The following ALDH1L1 variants were observed in gnomAD, a reference collection of about 807,000 sequenced individuals.
The protein encoded by ALDH1L1 is aldehyde dehydrogenase 1 family member L1.
In ALDH1L1, 68 loss-of-function variants were observed where a neutral mutation model predicts 101.1. The observed-to-expected ratio is 0.67, with a 90% CI of 0.55 to 0.82. The LOEUF is 0.82. ALDH1L1 is among the 40% of genes least tolerant of loss of function. The pLI is 0.00. For synonymous variants in ALDH1L1, 486 were observed against 470.8 expected, an observed-to-expected ratio of 1.03 and a Z score of -0.42; for missense variants, 1,087 against 1,172.7, an observed-to-expected ratio of 0.93 and a Z score of 1.07.
intron 1 of ALDH1L1, among the ~76,000 whole-genome samples, chr3:126,179,049 G>A (rs1326680496): frequency 6.6e-6 from 1 of 152,204 alleles, no homozygotes; most frequent in African/African-American, 2.4e-5. Flanking sequence ...TGGCAGGCAC[G>A]GGAGCCTTGG....
At chr3:126,192,129 A>T (rs1407088169) in intron 1 of ALDH1L1, among the ~76,000 whole-genome samples, 1 of 152,176 alleles carries the variant, frequency 6.6e-6, no homozygotes, top group Non-Finnish European at 1.5e-5. Flanking sequence ...CAAGTGTTAG[A>T]GTTTGGAACC....
intron 14 of ALDH1L1, among the ~76,000 whole-genome samples, chr3:126,126,518 G>T (rs938642276): frequency 6.6e-6 from 1 of 152,186 alleles, no homozygotes; most frequent in African/African-American, 2.4e-5. Flanking sequence ...CACAGGCGGT[G>T]GGCAGGACCC....
upstream of ALDH1L1, chr3:126,180,901 C>G (rs989308036): frequency 2.1e-5 from 34 of 1,598,660 alleles, no homozygotes; most frequent in Admixed American, 2.4e-4. Context: ...AGAGGAGACC[C>G]TCGCCAAGCC....
intron 19 of ALDH1L1, among the ~76,000 whole-genome samples, chr3:126,110,702 C>T (rs1333405287): frequency 6.6e-6 from 1 of 152,148 alleles, no homozygotes; most frequent in South Asian, 2.1e-4. Flanking sequence ...ACCCGGCACA[C>T]CCCTCTGCTC....
At chr3:126,112,957 G>C in intron 18 of ALDH1L1, 77 bp from the exon 19 acceptor site, 1 of 1,357,370 alleles carries the variant, frequency 7.4e-7, no homozygotes, top group South Asian at 1.2e-5. Flanking sequence ...GGGCCCAGCC[G>C]CCTCTTCTAA....
In ALDH1L1 at chr3:126,125,640, G is replaced by A. The variant is rs747137064; in HGVS notation, c.1776C>T (p.Asn592=). The A allele has an allele frequency of 6.3e-6, 10 of 1,597,972 alleles. No individual in the cohort carries two copies. The highest frequency in any genetic ancestry group is 1.1e-5 in the South Asian group (1 of 88,448). Residue 592 remains asparagine, a synonymous_variant, in exon 15 of 23, where the codon AAC becomes AAT. Coordinates refer to ENST00000393434, the MANE Select transcript of ALDH1L1 (RefSeq NM_012190.4). The part of the protein sequence containing the change: ...WKTAACLAAG[N]TVVIKPAQVT... ...CCTGAGCAGGCTTGATCACCACTGT[G>A]TTCCCGGCAGCCAGGCAGGCAGCTG... is the stretch of plus-strand genomic sequence containing the variant.
At chr3:126,115,668 G>A (rs2079949455) in intron 17 of ALDH1L1, among the ~76,000 whole-genome samples, 3 of 151,916 alleles carry the variant, frequency 2.0e-5, no homozygotes, top group Non-Finnish European at 2.9e-5. Flanking sequence ...TCCACCTCCC[G>A]GGTTCAAGCG....
chr3:126,190,390 G>A (rs11924222), intron 1 of ALDH1L1, among the ~76,000 whole-genome samples: 6,914 of 152,194 alleles, frequency 0.045, 514 homozygotes, highest in African/African-American at 0.15. Flanking sequence ...TTGGATCACC[G>A]TAATGAGCTA....
chr3:126,150,819 A>G (rs577593629), intron 7 of ALDH1L1: 2 of 296,128 alleles, frequency 6.8e-6, no homozygotes, highest in South Asian at 6.6e-5. Flanking sequence ...TGGCCTCCCA[A>G]AGTGCTGGGA....
chr3:126,148,414 A>C (rs1035140501), intron 8 of ALDH1L1, among the ~76,000 whole-genome samples: 8 of 152,188 alleles, frequency 5.3e-5, no homozygotes, highest in Non-Finnish European at 8.8e-5. Flanking sequence ...CGTTCTCCTG[A>C]ACAGCCACAG....
At chr3:126,135,271 G>A (rs886910306) in intron 12 of ALDH1L1, 4 of 332,550 alleles carry the variant, frequency 1.2e-5, no homozygotes, top group South Asian at 3.5e-5. Context: ...CTTGGCTTCC[G>A]CACCTCCTCA....
In ALDH1L1 at chr3:126,103,654, A is replaced by T; in HGVS notation, c.*137T>A. 1 of 878,730 alleles carries T rather than the reference A, an allele frequency of 1.1e-6. No homozygotes were observed. Among genetic ancestry groups the T allele is most frequent in the Middle Eastern group, 2.6e-4 (1 of 3,820 alleles). The allele number at this position is 878,730 out of a possible 1,614,324, so 54.4% of individuals were successfully genotyped here. A position where few individuals can be genotyped will look rare whatever the true frequency, so the allele number is the denominator to read the frequency against. On this transcript the variant is annotated 3_prime_UTR_variant, in exon 23 of 23. Transcript: ENST00000393434. ...CTTCTGACTGGACAGAGGGCGTCCA[A>T]GATGCAGACATGGTGTGCAGGCAGG...
intron 18 of ALDH1L1, among the ~76,000 whole-genome samples, chr3:126,114,067 A>G (rs1946162869): frequency 6.6e-6 from 1 of 152,230 alleles, no homozygotes; most frequent in African/African-American, 2.4e-5. Flanking sequence ...GCTGGGCCCA[A>G]GTGCTCAGAG....
rs1035811520 is a variant in ALDH1L1, at chr3:126,157,389, C to G, written c.482G>C (p.Ser161Thr). The G allele has an allele frequency of 7.4e-6, 12 of 1,613,990 alleles. No individual in the cohort carries two copies. In the Admixed American group the frequency reaches 8.3e-5, roughly 11 times the overall value. The change falls in exon 4 of 23, where the codon AGC becomes ACC. Residue 161 changes from serine (S) to threonine (T), a missense_variant. Around this residue, in one of 2 missense-constraint regions of ALDH1L1, gnomAD observed 645 missense variants for 637.0 expected, o/e 1.01. Transcript: ENST00000393434. ...GAAGAGGAAGCGGTTGTACAGCGTG[C>G]TCACGGTGTCGTCCGGGAGCACCTC... ...ECEVLPDDTV[S>T]TLYNRFLFPE...
At chr3:126,149,829 A>G (rs2080773897) in intron 8 of ALDH1L1, among the ~76,000 whole-genome samples, 1 of 152,172 alleles carries the variant, frequency 6.6e-6, no homozygotes, top group Non-Finnish European at 1.5e-5. Flanking sequence ...GTCTTCCCCC[A>G]GATCTCTTCT....
intron 17 of ALDH1L1, among the ~76,000 whole-genome samples, chr3:126,116,595 T>C (rs1471752510): frequency 1.3e-5 from 2 of 152,094 alleles, no homozygotes; most frequent in Non-Finnish European, 2.9e-5. Flanking sequence ...CCAGCTAGCT[T>C]TTGAATTAGG....
At chr3:126,139,047 G>T (rs1009149683) in intron 9 of ALDH1L1, among the ~76,000 whole-genome samples, 3 of 152,234 alleles carry the variant, frequency 2.0e-5, no homozygotes, top group Non-Finnish European at 4.4e-5. Flanking sequence ...GCAGGGCTGG[G>T]TCATATTCCA....
At chr3:126,196,758 G>A (rs2081583941) in intron 1 of ALDH1L1, among the ~76,000 whole-genome samples, 2 of 152,160 alleles carry the variant, frequency 1.3e-5, no homozygotes, top group South Asian at 2.1e-4. Context: ...GTTCATGGAT[G>A]GGAAGAAAAT....
rs372646682 is a variant in ALDH1L1, at chr3:126,105,694, T to G, written c.2653+32A>C. ...AACAGATGTTTGTTGAATGAATAAA[T>G]GAAAGCAACCCCACAGGCAGGAGTA... On this transcript the variant is annotated intron_variant, in intron 22 of 22. Transcript: ENST00000393434. 1.9e-6 allele frequency: 3 copies of G among 1,612,852 alleles called. No individual in the cohort carries two copies. In the Admixed American group the frequency reaches 5.0e-5, roughly 27 times the overall value.
Sources: gnomAD v4.1 joint callset for allele counts (sites outside exome capture counted in the v4.1 genomes callset) on GRCh38, gnomAD v4.1.1 for gene constraint, gnomAD v4.1.1 regional missense constraint, MANE v1.5 for transcripts, NCBI Gene and HGNC (gene_info 2026-07-23, HGNC 2026-07-21) for gene names.